ATP6V0A2: variants seen among roughly 807,000 people sequenced by gnomAD.
ATP6V0A2 encodes the protein V-type proton ATPase 116 kDa subunit a 2.
In ATP6V0A2, 58 loss-of-function variants were observed where a neutral mutation model predicts 104.4. That is an observed-to-expected ratio of 0.56 (90% CI 0.45 to 0.69). The LOEUF (loss-of-function observed/expected upper bound fraction) is 0.69, where lower values mean the gene tolerates loss of function less well. Ranked by LOEUF, ATP6V0A2 falls within the 30% of genes least tolerant of loss-of-function variation. The pLI is 0.00. For synonymous variants in ATP6V0A2, 376 were observed against 397.9 expected, an observed-to-expected ratio of 0.95 and a Z score of 0.65; for missense variants, 938 against 1,062.9, an observed-to-expected ratio of 0.88 and a Z score of 1.63.
At chr12:123,750,366 CT>C (rs1956703093) in intron 15 of ATP6V0A2, 1 of 152,960 alleles carries the variant, frequency 6.5e-6, no homozygotes. Context: ...TCTGATGTGG[CT>C]CTGCCTGTGG....
chr12:123,756,984 C>G lies in ATP6V0A2; in HGVS notation c.2463C>G (p.His821Gln), dbSNP rs776676999. 1.2e-6 allele frequency: 2 copies of G among 1,614,234 alleles called. No individual in the cohort carries two copies. Among genetic ancestry groups the G allele is most frequent in the Non-Finnish European group, 1.7e-6 (2 of 1,180,046 alleles). Residue 821 changes from histidine (H) to glutamine (Q), a missense_variant and splice_region_variant, in exon 19 of 20, where the codon CAC becomes CAG. Physicochemically the swap from His to Gln is conservative, Grantham distance 24. Transcript: ENST00000330342. ...LSAFLHAIRL[H>Q]WVEFQNKFYV... is the part of the protein sequence containing the mutation. The stretch of plus-strand genomic sequence containing the variant: ...CGTTTCTTCACGCCATACGCCTCCA[C>G]TGGTGAGTTTGAAACCTAGCCTTGG...
chr12:123,757,838 C>T (rs1312762760), intron 19 of ATP6V0A2, 89 bp from the exon 20 acceptor site: 6 of 859,908 alleles, frequency 7.0e-6, no homozygotes, highest in Admixed American at 2.7e-5. Flanking sequence ...AATTTCAGCA[C>T]AGGAATTTTT....
chr12:123,757,994 C>G lies in ATP6V0A2; in HGVS notation c.2533C>G (p.Leu845Val), dbSNP rs746781216. 6.2e-7 allele frequency: 1 copy of G among 1,612,600 alleles called. No individual in the cohort carries two copies. The highest frequency in any genetic ancestry group is 8.5e-7 in the Non-Finnish European group (1 of 1,179,538). ...ATTTGTTCCTTTCTCATTCAGTCTA[C>G]TTTCATCAAAGTTCAATAACGACGA... The part of the protein sequence containing the change: ...TKFVPFSFSL[L>V]SSKFNNDDSV... The change falls in exon 20 of 20, where the codon CTT becomes GTT. Residue 845 changes from leucine to valine, a missense_variant. Coordinates refer to ENST00000330342, the MANE Select transcript of ATP6V0A2 (RefSeq NM_012463.4).
intron 1 of ATP6V0A2, among the ~76,000 whole-genome samples, chr12:123,712,974 C>T (rs1413070617): frequency 6.6e-6 from 1 of 152,160 alleles, no homozygotes; most frequent in South Asian, 2.1e-4. Flanking sequence ...GAACAAATCC[C>T]ACAAAGGCCT....
At chr12:123,712,803 G>T (rs2135871250) in intron 1 of ATP6V0A2, 121 bp downstream of exon 1, 1 of 886,408 alleles carries the variant, frequency 1.1e-6, no homozygotes, top group Non-Finnish European at 1.8e-6. Context: ...CCATTGTCCA[G>T]ACGGGGAAGA....
intron 1 of ATP6V0A2, 50 bp downstream of exon 1, chr12:123,712,732 CA>C: frequency 1.3e-6 from 2 of 1,496,344 alleles, no homozygotes; most frequent in Non-Finnish European, 1.8e-6. Flanking sequence ...CTGGCGCCCC[CA>C]ATCCCGCGCA....
Position 123,730,237 on chromosome 12 carries a change from A to G in ATP6V0A2, c.648+2328A>G, listed in dbSNP as rs968952631. On this transcript the variant is annotated intron_variant, in intron 6 of 19. Transcript: ENST00000330342. ...TCCCGGCTAATTTTTTGTATTTTTTAGTAGAGACGGGGTTTCACTGTGTTA... is the reference window on the plus strand; with the variant it reads ...TCCCGGCTAATTTTTTGTATTTTTTGGTAGAGACGGGGTTTCACTGTGTTA... Among the ~76,000 whole-genome samples, 36 of 151,558 alleles carry G rather than the reference A, an allele frequency of 2.4e-4. 1 individual carries two copies. The highest frequency in any genetic ancestry group is 8.8e-5 in the Non-Finnish European group (6 of 67,910).
At chr12:123,724,617 A>T (rs533445505) in intron 3 of ATP6V0A2, 37 bp from the exon 4 acceptor site, 2 of 1,610,900 alleles carry the variant, frequency 1.2e-6, no homozygotes, top group Admixed American at 3.3e-5. Flanking sequence ...CTTGGAACTA[A>T]TTACTACCCT....
At chr12:123,736,813 C>T (rs1325513760) in intron 8 of ATP6V0A2, among the ~76,000 whole-genome samples, 1 of 152,094 alleles carries the variant, frequency 6.6e-6, no homozygotes, top group Non-Finnish European at 1.5e-5. Flanking sequence ...GGGTCATGTT[C>T]TCCAGAGGCA....
In ATP6V0A2 at chr12:123,754,406, G is replaced by C. The variant is rs375306606; in HGVS notation, c.2176-14G>C. On this transcript the variant is annotated splice_polypyrimidine_tract_variant and intron_variant, in intron 17 of 19. Coordinates refer to ENST00000330342, the MANE Select transcript of ATP6V0A2 (RefSeq NM_012463.4). ...CATCATGACTCTTAACATATGTTGT[G>C]TGATCTCTCTCAGTTTAATTTTGGA... 6.4e-7 allele frequency: 1 copy of C among 1,559,720 alleles called. No homozygotes were observed. Among genetic ancestry groups the C allele is most frequent in the Non-Finnish European group, 8.8e-7 (1 of 1,130,178 alleles).
chr12:123,744,468 G>A lies in ATP6V0A2; in HGVS notation c.1327-129G>A. The A allele has an allele frequency of 6.4e-7, 1 of 1,558,846 alleles. No homozygotes were observed. The highest frequency in any genetic ancestry group is 8.8e-7 in the Non-Finnish European group (1 of 1,135,312). The stretch of plus-strand genomic sequence containing the variant: ...GCAGGTGTGTGGCCTGTCAGCTGCG[G>A]CTGACAGGGATGTCTGCGGGGCGAG... On this transcript the variant is annotated intron_variant, in intron 11 of 19. Transcript: ENST00000330342. This position sits in a 1 kb window ranked among gnomAD's most constrained non-coding sequence, Gnocchi z 5.4.
chr12:123,753,690 G>T (rs1593920071), intron 17 of ATP6V0A2, among the ~76,000 whole-genome samples: 1 of 152,258 alleles, frequency 6.6e-6, no homozygotes, highest in East Asian at 1.9e-4. Context: ...AGGCTGGACA[G>T]GGAAGTAGCG....
rs11326601 is a variant in ATP6V0A2, at chr12:123,724,369, CA to C, written c.295-276del. 0.65 allele frequency: 214,923 copies of C among 329,462 alleles called. 70,917 individuals carry two copies. The highest frequency in any genetic ancestry group is 0.95 in the East Asian group (11,769 of 12,422). 20.4% of individuals were successfully genotyped at this position (329,462 alleles called of 1,614,324 possible). A position where few individuals can be genotyped will look rare whatever the true frequency, so the allele number is the denominator to read the frequency against. ...TGAAACCTCGTCTCTACTAACAATA[CA>C]AAAAAAAATTAGCTGGGCGTGGTGA... On this transcript the variant is annotated intron_variant, in intron 3 of 19. Transcript: ENST00000330342.
chr12:123,726,135 G>A, intron 4 of ATP6V0A2, 62 bp from the exon 5 acceptor site: 1 of 1,337,114 alleles, frequency 7.5e-7, no homozygotes, highest in Non-Finnish European at 1.1e-6. Flanking sequence ...TTGAAAATTT[G>A]ACATGAGAAA....
chr12:123,739,201 A>C (rs539155672), intron 9 of ATP6V0A2, among the ~76,000 whole-genome samples: 53 of 152,140 alleles, frequency 3.5e-4, no homozygotes, highest in African/African-American at 1.2e-3. Context: ...CCACATGTCC[A>C]CCTCCGGCTG....
intron 5 of ATP6V0A2, among the ~76,000 whole-genome samples, chr12:123,726,560 A>G (rs1593892692): frequency 6.6e-6 from 1 of 152,244 alleles, no homozygotes; most frequent in East Asian, 1.9e-4. Context: ...CTATAAGCCT[A>G]AAACAATTGG....
chr12:123,755,949 C>T (rs1381189729), intron 18 of ATP6V0A2, among the ~76,000 whole-genome samples: 2 of 151,484 alleles, frequency 1.3e-5, no homozygotes, highest in Non-Finnish European at 1.5e-5. Context: ...GGCGTGGTGG[C>T]GGGCGCCTGT....
At chr12:123,731,705 C>T (rs1038545705) in intron 6 of ATP6V0A2, 2 of 152,302 alleles carry the variant, frequency 1.3e-5, no homozygotes, top group African/African-American at 4.8e-5. Flanking sequence ...TAACTCTTTT[C>T]TGACAGTGTG....
chr12:123,747,650 T>C lies in ATP6V0A2; in HGVS notation c.1649T>C (p.Phe550Ser). ...ATNRLTFLNSFKMKMSVILGI... is the reference protein window; with the variant it reads ...ATNRLTFLNSSKMKMSVILGI... ...AATCGCCTCACTTTTCTAAACTCTT[T>C]CAAAATGAAAATGTCCGTGATTTTA... Residue 550 changes from phenylalanine to serine, a missense_variant, in exon 14 of 20, where the codon TTC becomes TCC. By Grantham distance (155) the Phe-to-Ser change is radical (BLOSUM62 -2). Coordinates refer to ENST00000330342, the MANE Select transcript of ATP6V0A2 (RefSeq NM_012463.4). The C allele has an allele frequency of 6.2e-7, 1 of 1,613,926 alleles. No homozygotes were observed. Among genetic ancestry groups the C allele is most frequent in the Non-Finnish European group, 8.5e-7 (1 of 1,179,764 alleles).
Sources: gnomAD v4.1 joint callset for allele counts (sites outside exome capture counted in the v4.1 genomes callset) on GRCh38, gnomAD v4.1.1 for gene constraint, Gnocchi (gnomAD v3.1) non-coding constraint, MANE v1.5 for transcripts, NCBI Gene and HGNC (gene_info 2026-07-23, HGNC 2026-07-21) for gene names.